The following ZCCHC14 variants were observed in gnomAD, a reference collection of about 807,000 sequenced individuals.
ZCCHC14 encodes zinc finger CCHC domain-containing protein 14.
In ZCCHC14, 16 loss-of-function variants were observed where a neutral mutation model predicts 85.0. The ratio of observed to expected loss-of-function variants is 0.19; its 90% CI spans 0.13 to 0.29. ZCCHC14 has a LOEUF of 0.29. ZCCHC14 is among the 10% of genes least tolerant of loss of function. The pLI, the probability that ZCCHC14 is intolerant of heterozygous loss-of-function variation, is 1.00. For synonymous variants in ZCCHC14, 775 were observed against 630.7 expected, an observed-to-expected ratio of 1.23 and a Z score of -3.43; for missense variants, 1,303 against 1,443.5, an observed-to-expected ratio of 0.90 and a Z score of 1.58.
Position 87,415,359 on chromosome 16 carries a change from G to A in ZCCHC14, c.1392C>T (p.Ser464=), listed in dbSNP as rs536444094. ...ATTTATTCAGATCTTCTTCAGTAAG[G>A]CTCAAAAACTTTCACAGAAAAAACA... is the stretch of plus-strand genomic sequence containing the variant. ...FKQLSMEKFL[S]LTEEDLNKFE... The change falls in exon 9 of 13, where the codon AGC becomes AGT. Residue 464 remains serine, a synonymous_variant. Coordinates refer to ENST00000671377, the MANE Select transcript of ZCCHC14 (RefSeq NM_015144.3). 4 of 1,613,184 alleles carry A rather than the reference G, an allele frequency of 2.5e-6. No homozygotes were observed. In the East Asian group the frequency reaches 6.7e-5, roughly 27 times the overall value.
At chr16:87,423,385 A>C (rs551593745) in intron 4 of ZCCHC14, among the ~76,000 whole-genome samples, 2 of 152,246 alleles carry the variant, frequency 1.3e-5, no homozygotes, top group East Asian at 3.9e-4. Flanking sequence ...CAGTCTCTTA[A>C]AAAAATAATA....
Position 87,475,501 on chromosome 16 carries a change from C to T in ZCCHC14, c.571-15370G>A, listed in dbSNP as rs1195961525. Reference sequence around the variant, plus strand: ...CCAGGAGTCGGAGGTTGCAGTGAGCCGAGAGTGTGCCACTGTACTCCAGCC... The same window carrying T: ...CCAGGAGTCGGAGGTTGCAGTGAGCTGAGAGTGTGCCACTGTACTCCAGCC... On this transcript the variant is annotated intron_variant, in intron 1 of 12. Coordinates refer to ENST00000671377, the MANE Select transcript of ZCCHC14 (RefSeq NM_015144.3). Among the ~76,000 whole-genome samples the T allele has an allele frequency of 6.1e-5, 9 of 147,198 alleles. No individual in the cohort carries two copies. The South Asian group carries it at 1.5e-3, about 24-fold the overall frequency.
At chr16:87,455,813 C>G (rs930874267) in intron 2 of ZCCHC14, among the ~76,000 whole-genome samples, 1 of 152,190 alleles carries the variant, frequency 6.6e-6, no homozygotes, top group African/African-American at 2.4e-5. Flanking sequence ...TTTCCACTTT[C>G]AGTACAGACT....
intron 3 of ZCCHC14, among the ~76,000 whole-genome samples, chr16:87,424,845 G>A (rs982117747): frequency 1.3e-5 from 2 of 152,186 alleles, no homozygotes; most frequent in African/African-American, 4.8e-5. Flanking sequence ...GAAGGGACAA[G>A]CACCAAATGC....
At chr16:87,470,400 G>C (rs997167187) in intron 1 of ZCCHC14, 5 of 152,128 alleles carry the variant, frequency 3.3e-5, no homozygotes, top group African/African-American at 1.2e-4. Context: ...TAATTACTTG[G>C]ACTACAGTTA....
intron 2 of ZCCHC14, among the ~76,000 whole-genome samples, chr16:87,455,294 GC>G (rs1910903553): frequency 6.8e-6 from 1 of 147,778 alleles, no homozygotes; most frequent in South Asian, 2.1e-4. Flanking sequence ...GTCCCCCCCC[GC>G]CCCCGCAAAA....
intron 2 of ZCCHC14, among the ~76,000 whole-genome samples, chr16:87,436,730 A>T (rs1036874252): frequency 6.6e-6 from 1 of 151,890 alleles, no homozygotes; most frequent in Non-Finnish European, 1.5e-5. Context: ...CTTAAAAGAA[A>T]AAAAGAAAAA....
At chr16:87,475,476 C>T (rs1455020300) in intron 1 of ZCCHC14, among the ~76,000 whole-genome samples, 1 of 150,974 alleles carries the variant, frequency 6.6e-6, no homozygotes. Flanking sequence ...TCGCTTGAAC[C>T]CAGGAGTCGG....
chr16:87,447,304 G>GT (rs71728974), intron 2 of ZCCHC14, among the ~76,000 whole-genome samples: 18 of 149,340 alleles, frequency 1.2e-4, no homozygotes, highest in South Asian at 6.4e-4. Flanking sequence ...GGGGTCAGGT[G>GT]TTTTTTTTTT....
chr16:87,450,028 C>T (rs201152403), intron 2 of ZCCHC14, among the ~76,000 whole-genome samples: 2 of 152,194 alleles, frequency 1.3e-5, no homozygotes, highest in Non-Finnish European at 2.9e-5. Flanking sequence ...GCCTGGGCAA[C>T]AGAGTAAGAC....
At position 87,408,773 on chromosome 16, in the gene ZCCHC14, T is replaced by C. The variant is rs1241348858; in HGVS notation, c.*1507A>G. On this transcript the variant is annotated 3_prime_UTR_variant, in exon 13 of 13. Coordinates refer to ENST00000671377, the MANE Select transcript of ZCCHC14 (RefSeq NM_015144.3). ...CACATCACAAGGCCTCATTCTAGGG[T>C]ATTCTTCTGATTTACATCAATTTTT... 6.6e-6 allele frequency: 1 copy of C among 152,442 alleles called. No homozygotes were observed. The highest frequency in any genetic ancestry group is 6.5e-5 in the Admixed American group (1 of 15,268). 9.4% of individuals were successfully genotyped at this position (152,442 alleles called of 1,614,324 possible).
At chr16:87,479,592 ATGAG>A (rs1331785922) in intron 1 of ZCCHC14, among the ~76,000 whole-genome samples, 1 of 152,222 alleles carries the variant, frequency 6.6e-6, no homozygotes, top group Non-Finnish European at 1.5e-5. Context: ...CTTAATTAGA[ATGAG>A]TAACGGTTTT....
At chr16:87,419,324 G>T in intron 6 of ZCCHC14, among the ~76,000 whole-genome samples, 1 of 151,220 alleles carries the variant, frequency 6.6e-6, no homozygotes, top group East Asian at 1.9e-4. Flanking sequence ...TTTTGGAGAT[G>T]GAGACTTGCT....
intron 2 of ZCCHC14, among the ~76,000 whole-genome samples, chr16:87,457,895 T>C (rs1347676186): frequency 6.6e-6 from 1 of 152,176 alleles, no homozygotes; most frequent in Non-Finnish European, 1.5e-5. Flanking sequence ...TGGAGAATGC[T>C]GCAGGTAATT....
intron 2 of ZCCHC14, among the ~76,000 whole-genome samples, chr16:87,437,684 T>G (rs1168988342): frequency 6.6e-6 from 1 of 152,270 alleles, no homozygotes; most frequent in Non-Finnish European, 1.5e-5. Flanking sequence ...TGTTTGTCTG[T>G]TCAAACCTTT....
rs1433101230 is a variant in ZCCHC14 at position 87,409,814 on chromosome 16, C to G, written c.*466G>C. 6.5e-6 allele frequency: 1 copy of G among 153,414 alleles called. No individual in the cohort carries two copies. The highest frequency in any genetic ancestry group is 1.5e-5 in the Non-Finnish European group (1 of 68,628). 9.5% of individuals were successfully genotyped at this position (153,414 alleles called of 1,614,324 possible). A position where few individuals can be genotyped will look rare whatever the true frequency, so the allele number is the denominator to read the frequency against. ...TCCTTAAAAATCCCAGAGATTAGTGCTAATCACTTTAGGAACAGAACAAAA... is the reference window on the plus strand; with the variant it reads ...TCCTTAAAAATCCCAGAGATTAGTGGTAATCACTTTAGGAACAGAACAAAA... On this transcript the variant is annotated 3_prime_UTR_variant, in exon 13 of 13. Transcript: ENST00000671377.
intron 12 of ZCCHC14, chr16:87,411,311 C>T: frequency 6.9e-7 from 1 of 1,448,278 alleles, no homozygotes; most frequent in South Asian, 1.4e-5. Flanking sequence ...CAGAGGCTGT[C>T]TGAAATCATC....
intron 10 of ZCCHC14, 118 bp downstream of exon 10, chr16:87,414,296 A>G: frequency 4.5e-6 from 6 of 1,332,068 alleles, no homozygotes; most frequent in Admixed American, 3.6e-5. Flanking sequence ...CTCTCTGTGT[A>G]CGAGTAACCC....
chr16:87,453,912 A>C (rs1567530614), intron 2 of ZCCHC14, among the ~76,000 whole-genome samples: 1 of 152,256 alleles, frequency 6.6e-6, no homozygotes. Flanking sequence ...AGATGTAAAA[A>C]CAAAAATGCC....
Sources: gnomAD v4.1 joint callset for allele counts (sites outside exome capture counted in the v4.1 genomes callset) on GRCh38, gnomAD v4.1.1 for gene constraint, MANE v1.5 for transcripts, NCBI Gene and HGNC (gene_info 2026-07-23, HGNC 2026-07-21) for gene names.